The following CCDC7 variants were observed in gnomAD, a reference collection of about 807,000 sequenced individuals.
The protein encoded by CCDC7 is coiled-coil domain containing 7.
Under a neutral mutation model 196.9 loss-of-function variants are expected in CCDC7, and 183 were observed. The observed-to-expected ratio is 0.93, with a 90% confidence interval of 0.82 to 1.05. The LOEUF (loss-of-function observed/expected upper bound fraction) is 1.05. CCDC7 is among the 50% of genes least tolerant of loss of function. The probability of loss-of-function intolerance (pLI) is 0.00; values close to 1 mark genes in which losing one functional copy is unlikely to be tolerated. For synonymous variants in CCDC7, 525 were observed against 484.6 expected (o/e 1.08, Z -1.10); for missense variants, 1,540 against 1,482.2 (o/e 1.04, Z -0.64).
chr10:32,494,854 T>C (rs1442864305), intron 9 of CCDC7, among the ~76,000 whole-genome samples: 2 of 152,222 alleles, frequency 1.3e-5, no homozygotes, highest in Admixed American at 1.3e-4. Flanking sequence ...TGCAATAACA[T>C]ATGTGTGCAT....
At chr10:32,461,359 A>C (rs1251800612) in intron 3 of CCDC7, among the ~76,000 whole-genome samples, 1 of 152,126 alleles carries the variant, frequency 6.6e-6, no homozygotes, top group Non-Finnish European at 1.5e-5. Flanking sequence ...TTTTATAAGG[A>C]AGTGTTGAAT....
At chr10:32,778,977 T>A (rs1592673475) in exon 29 of CCDC7, 2 of 1,547,754 alleles carry the variant, frequency 1.3e-6, no homozygotes, top group Middle Eastern at 1.7e-4. Flanking sequence ...ATTCTTACAG[T>A]TAAAAATGAA....
chr10:32,517,944 G>T lies in CCDC7; in HGVS notation c.873-1G>T. On this transcript the variant is annotated splice_acceptor_variant, in intron 9 of 41. Transcript: ENST00000639629. LOFTEE classifies it high-confidence loss of function. ...CACACTTTTTTTGGTTTATTTTTCA[G>T]AGCTGTAAATGATCAAGTTTTGTTA... 1 of 1,590,412 alleles carries T rather than the reference G, an allele frequency of 6.3e-7. No individual in the cohort carries two copies. Among genetic ancestry groups the T allele is most frequent in the South Asian group, 1.1e-5 (1 of 87,144 alleles).
chr10:32,816,030 G>C (rs1415650418), intron 31 of CCDC7, among the ~76,000 whole-genome samples: 1 of 152,214 alleles, frequency 6.6e-6, no homozygotes, highest in African/African-American at 2.4e-5. Context: ...AGCTGAAGCA[G>C]GGTGAGGCAT....
chr10:32,563,683 A>T (rs2056215431), intron 13 of CCDC7, among the ~76,000 whole-genome samples: 1 of 152,206 alleles, frequency 6.6e-6, no homozygotes, highest in African/African-American at 2.4e-5. Flanking sequence ...GTTAGACCTA[A>T]AACCATAAAA....
intron 30 of CCDC7, among the ~76,000 whole-genome samples, chr10:32,805,649 GATA>G (rs1349012448): frequency 2.0e-5 from 3 of 152,164 alleles, no homozygotes; most frequent in Non-Finnish European, 4.4e-5. Flanking sequence ...TCTCTGGTGT[GATA>G]CAAAGGAAGG....
intron 28 of CCDC7, 74 bp from the exon 30 acceptor site, chr10:32,778,903 A>T (rs2080565470): frequency 3.9e-6 from 4 of 1,018,346 alleles, no homozygotes; most frequent in African/African-American, 1.6e-5. Flanking sequence ...CTTCTTGGTT[A>T]CATGCATTGC....
chr10:32,450,532 T>C (rs2032767458), upstream of CCDC7, among the ~76,000 whole-genome samples: 1 of 152,202 alleles, frequency 6.6e-6, no homozygotes, highest in African/African-American at 2.4e-5. Flanking sequence ...TCTATCTTAA[T>C]TTTGCCATTG....
intron 30 of CCDC7, among the ~76,000 whole-genome samples, chr10:32,811,094 C>T (rs2086984592): frequency 6.6e-6 from 1 of 151,748 alleles, no homozygotes; most frequent in South Asian, 2.1e-4. Flanking sequence ...TAACAATGCA[C>T]CTCAAGAGAC....
chr10:32,857,726 A>C (rs1340742268), intron 41 of CCDC7, among the ~76,000 whole-genome samples: 2 of 152,206 alleles, frequency 1.3e-5, no homozygotes, highest in African/African-American at 4.8e-5. Context: ...AAGGAGTTGG[A>C]AAAAGAAAAA....
intron 31 of CCDC7, 132 bp downstream of exon 32, chr10:32,814,585 C>G: frequency 3.3e-6 from 2 of 601,690 alleles, no homozygotes; most frequent in Non-Finnish European, 5.8e-6. Context: ...ATGAATTCCC[C>G]TCTATAATAT....
intron 11 of CCDC7, among the ~76,000 whole-genome samples, chr10:32,541,712 C>T (rs559943765): frequency 1.3e-5 from 2 of 152,190 alleles, no homozygotes; most frequent in African/African-American, 2.4e-5. Flanking sequence ...TAGAGGTCAC[C>T]GTGGACTCAA....
intron 25 of CCDC7, among the ~76,000 whole-genome samples, chr10:32,712,909 T>G (rs188365342): frequency 3.3e-5 from 5 of 152,112 alleles, no homozygotes; most frequent in Non-Finnish European, 7.4e-5. Context: ...ACAGAAATAG[T>G]GTACAGATAG....
rs376891238 is a variant in CCDC7 at position 32,499,546 on chromosome 10, C to T, written c.872+7549C>T. ...CCATGGTCATTATGGGAGAGGGTGA[C>T]GGGAGAAAGGGCTGGGAAAGAGGGA... On this transcript the variant is annotated intron_variant, in intron 9 of 41. Transcript: ENST00000639629. 5.3e-5 allele frequency among the ~76,000 whole-genome samples: 8 copies of T among 151,066 alleles called. No individual in the cohort carries two copies. In the South Asian group the frequency reaches 8.4e-4, roughly 16 times the overall value.
intron 21 of CCDC7, among the ~76,000 whole-genome samples, chr10:32,675,241 C>CT (rs547282276): frequency 9.6e-5 from 14 of 146,432 alleles, no homozygotes; most frequent in Admixed American, 6.8e-4. Flanking sequence ...TCCTTTTCAT[C>CT]TTTTTTGTGT....
At chr10:32,696,480 TG>T (rs1387068261) in intron 24 of CCDC7, among the ~76,000 whole-genome samples, 1 of 146,610 alleles carries the variant, frequency 6.8e-6, no homozygotes. Context: ...TCTTGTTTTC[TG>T]TTTTTTTTTT....
chr10:32,536,991 T>C (rs1161137221), intron 11 of CCDC7, among the ~76,000 whole-genome samples: 1 of 152,206 alleles, frequency 6.6e-6, no homozygotes, highest in African/African-American at 2.4e-5. Flanking sequence ...GTAGAATGAT[T>C]TATATATTCC....
chr10:32,830,110 A>G (rs1380980079), intron 32 of CCDC7, among the ~76,000 whole-genome samples: 2 of 106,370 alleles, frequency 1.9e-5, no homozygotes, highest in Non-Finnish European at 4.2e-5. Flanking sequence ...ATTAGTTCTT[A>G]TATATATAAG....
At chr10:32,863,192 A>G (rs1233226129) in intron 41 of CCDC7, among the ~76,000 whole-genome samples, 1 of 152,130 alleles carries the variant, frequency 6.6e-6, no homozygotes, top group Non-Finnish European at 1.5e-5. Flanking sequence ...TGAATAGACA[A>G]AGCAGTTACA....
Sources: allele counts gnomAD v4.1 joint callset (sites outside exome capture counted in the v4.1 genomes callset), GRCh38; gene constraint gnomAD v4.1.1; transcripts MANE v1.5; gene names NCBI Gene and HGNC (gene_info 2026-07-23, HGNC 2026-07-21).